Variants in IFFO1 observed in about 807,000 individuals in gnomAD.
IFFO1 encodes intermediate filament family orphan 1, also known as non-homologous end joining factor IFFO1.
A neutral mutation model predicts 59.6 loss-of-function variants in IFFO1; 42 were observed. That is an observed-to-expected ratio of 0.70 (90% CI 0.55 to 0.91). The LOEUF (loss-of-function observed/expected upper bound fraction) is 0.91. Among genes scored for constraint, IFFO1 ranks in the 40% least tolerant of loss-of-function variants. The pLI, the probability that IFFO1 is intolerant of heterozygous loss-of-function variation, is 0.00. For synonymous variants in IFFO1, 336 were observed against 342.8 expected, an observed-to-expected ratio of 0.98 and a Z score of 0.22; for missense variants, 711 against 793.2, an observed-to-expected ratio of 0.90 and a Z score of 1.24.
At chr12:6,552,848 C>T (rs1947288571) in intron 1 of IFFO1, among the ~76,000 whole-genome samples, 1 of 152,238 alleles carries the variant, frequency 6.6e-6, no homozygotes, top group Non-Finnish European at 1.5e-5. Context: ...TCATTTTCAC[C>T]TCCATTTCCA....
intron 1 of IFFO1, chr12:6,551,551 G>A: frequency 8.9e-7 from 1 of 1,126,874 alleles, no homozygotes; most frequent in Non-Finnish European, 1.2e-6. Flanking sequence ...AGCCTGGTAG[G>A]AGACACTCAA....
At chr12:6,551,379 A>G in intron 1 of IFFO1, 1 of 1,295,050 alleles carries the variant, frequency 7.7e-7, no homozygotes, top group Non-Finnish European at 1.0e-6. Context: ...CACCAGGTCC[A>G]CCCGGCCCAG....
rs756122164 is a variant in IFFO1, at chr12:6,541,559, G to A, written c.1563C>T (p.Asp521=). ...GCCGGCGGCAGGTCTCCATCTGCAC[G>A]TCCAGGCCGCGCTTCATGCTGCACA... is the stretch of plus-strand genomic sequence containing the variant. ...MEMCSMKRGL[D]VQMETCRRLI... Residue 521 remains aspartate, a synonymous_variant, in exon 9 of 10, where the codon GAC becomes GAT. Transcript: ENST00000619571. The surrounding 1 kb of genome is among the most constrained non-coding windows in gnomAD (Gnocchi z 4.8). 11 of 1,614,150 alleles carry A rather than the reference G, an allele frequency of 6.8e-6. No individual in the cohort carries two copies. The highest frequency in any genetic ancestry group is 8.5e-6 in the Non-Finnish European group (10 of 1,180,028).
chr12:6,548,623 G>A lies in IFFO1; in HGVS notation c.1262+45C>T. 1.2e-6 allele frequency: 2 copies of A among 1,613,754 alleles called. No individual in the cohort carries two copies. Among genetic ancestry groups the A allele is most frequent in the Non-Finnish European group, 1.7e-6 (2 of 1,179,770 alleles). On this transcript the variant is annotated intron_variant, in intron 6 of 9. Transcript: ENST00000619571. This position sits in a 1 kb window ranked among gnomAD's most constrained non-coding sequence, Gnocchi z 6.1. ...GGACTGGGGAGCTCCGGCCTCCTGGGCTGCTGTGGCGTCGGTGCTGCGGGA... is the reference window on the plus strand; with the variant it reads ...GGACTGGGGAGCTCCGGCCTCCTGGACTGCTGTGGCGTCGGTGCTGCGGGA...
In IFFO1 at chr12:6,544,313, CCCA is replaced by C. The variant is rs1272791490; in HGVS notation, c.1480-2674_1480-2672del. Among the ~76,000 whole-genome samples, 9 of 152,048 alleles carry C rather than the reference CCCA, an allele frequency of 5.9e-5. No homozygotes were observed. The East Asian group carries it at 1.8e-3, about 30-fold the overall frequency. On this transcript the variant is annotated intron_variant, in intron 8 of 9. Transcript: ENST00000619571. ...TCCCAAGTAGCTGGGATTACAGGTG[CCCA>C]CCACAATGCCTGGCTACTTTTTGTA...
chr12:6,548,104 G>A lies in IFFO1; in HGVS notation c.1440C>T (p.Thr480=). The A allele has an allele frequency of 1.9e-6, 3 of 1,614,034 alleles. No individual in the cohort carries two copies. Among genetic ancestry groups the A allele is most frequent in the Non-Finnish European group, 1.7e-6 (2 of 1,179,940 alleles). Residue 480 remains threonine, a synonymous_variant, in exon 8 of 10, where the codon ACC becomes ACT. Transcript: ENST00000619571. The surrounding 1 kb of genome is among the most constrained non-coding windows in gnomAD (Gnocchi z 6.1). ...TGGTCTCCTGATACTCCTTCTCCCG[G>A]GTTTTGAACAGGGACTCCGTATCTT... ...VIKDTESLFK[T]REKEYQETID...
chr12:6,547,768 G>GAAGGAAGGA (rs981366152), intron 8 of IFFO1, among the ~76,000 whole-genome samples: 3 of 151,198 alleles, frequency 2.0e-5, no homozygotes, highest in Non-Finnish European at 4.4e-5. Context: ...AGGAAGGAAG[G>GAAGGAAGGA]AAGGAAGGAA....
intron 1 of IFFO1, among the ~76,000 whole-genome samples, chr12:6,553,388 G>C (rs1346756116): frequency 6.6e-6 from 1 of 152,146 alleles, no homozygotes; most frequent in African/African-American, 2.4e-5. Context: ...ATGTATTCCA[G>C]AACTGTGCCT....
At chr12:6,546,584 C>T (rs1030528733) in intron 8 of IFFO1, among the ~76,000 whole-genome samples, 3 of 152,230 alleles carry the variant, frequency 2.0e-5, no homozygotes, top group African/African-American at 7.2e-5. Flanking sequence ...CCCGGGTTCA[C>T]GCCATTCTCC....
intron 3 of IFFO1, chr12:6,550,409 C>T (rs2136132271): frequency 3.9e-6 from 2 of 517,550 alleles, no homozygotes; most frequent in Middle Eastern, 5.2e-4. Context: ...GAGGAATCGG[C>T]CCAGCGCCCC....
At chr12:6,554,779 T>C (rs1239894041) in intron 1 of IFFO1, among the ~76,000 whole-genome samples, 4 of 152,250 alleles carry the variant, frequency 2.6e-5, no homozygotes, top group Admixed American at 1.3e-4. Context: ...TCCATCAATA[T>C]TCTTTGGGAA....
chr12:6,555,647 G>T lies in IFFO1; in HGVS notation c.383C>A (p.Thr128Asn). ...GLGRRDQAVQ[T>N]GFVSPIRPLG... Reference sequence around the variant, plus strand: ...GGGCCGGATGGGGCTGACGAAGCCGGTCTGCACTGCCTGGTCGCGACGACC... The same window carrying T: ...GGGCCGGATGGGGCTGACGAAGCCGTTCTGCACTGCCTGGTCGCGACGACC... The change falls in exon 1 of 10, where the codon ACC becomes AAC. Residue 128 changes from threonine (T) to asparagine (N), a missense_variant. Coordinates refer to ENST00000619571, the MANE Select transcript of IFFO1 (RefSeq NM_001193457.2). The surrounding 1 kb of genome is among the most constrained non-coding windows in gnomAD (Gnocchi z 8.6). The T allele has an allele frequency of 6.3e-7, 1 of 1,587,614 alleles. No individual in the cohort carries two copies. Among genetic ancestry groups the T allele is most frequent in the East Asian group, 2.3e-5 (1 of 42,752 alleles).
rs1592194821 is a variant in IFFO1 at position 6,540,188 on chromosome 12, T to A, written c.*295A>T. On this transcript the variant is annotated 3_prime_UTR_variant, in exon 10 of 10. Transcript: ENST00000619571. ...ACGTGGACAAGGTGAGGGGCCGCAA[T>A]CGCTCTGGCAGCATTTTAAAGATGG... is the stretch of plus-strand genomic sequence containing the variant. The A allele has an allele frequency of 6.0e-6, 3 of 501,620 alleles. No individual in the cohort carries two copies. The East Asian group carries it at 1.1e-4, about 19-fold the overall frequency. 31.1% of individuals were successfully genotyped at this position (501,620 alleles called of 1,614,324 possible).
intron 8 of IFFO1, 118 bp downstream of exon 8, chr12:6,547,947 T>C (rs987526005): frequency 9.6e-5 from 74 of 770,104 alleles, no homozygotes; most frequent in Non-Finnish European, 1.6e-4. Context: ...GAGAGATCAC[T>C]CCTCCTCCCA....
chr12:6,555,548 C>G lies in IFFO1; in HGVS notation c.482G>C (p.Arg161Pro), dbSNP rs1284341379. 2 of 1,527,946 alleles carry G rather than the reference C, an allele frequency of 1.3e-6. No homozygotes were observed. Among genetic ancestry groups the G allele is most frequent in the Non-Finnish European group, 1.8e-6 (2 of 1,139,564 alleles). The allele number at this position is 1,527,946 out of a possible 1,614,324, so 94.6% of individuals were successfully genotyped here. ...PSARVLGSPA[R>P]SPAGPLAPSA... ...GGGCGCGAGGGGGCCGGCCGGGGAG[C>G]GCGCGGGCGAGCCCAGCACGCGCGC... Residue 161 changes from arginine to proline, a missense_variant, in exon 1 of 10, where the codon CGC (arginine) becomes CCC (proline). Around this residue, in one of 3 missense-constraint regions of IFFO1, gnomAD observed 579 missense variants for 650.3 expected, o/e 0.89. Coordinates refer to ENST00000619571, the MANE Select transcript of IFFO1 (RefSeq NM_001193457.2). The surrounding 1 kb of genome is among the most constrained non-coding windows in gnomAD (Gnocchi z 8.6).
At chr12:6,544,880 C>A (rs1414549295) in intron 8 of IFFO1, 1 of 152,220 alleles carries the variant, frequency 6.6e-6, no homozygotes, top group Non-Finnish European at 1.5e-5. Context: ...AAAATAATTT[C>A]TCGACTTCCT....
Position 6,540,212 on chromosome 12 carries a change from G to A in IFFO1, c.*271C>T, listed in dbSNP as rs547623823. On this transcript the variant is annotated 3_prime_UTR_variant, in exon 10 of 10. Coordinates refer to ENST00000619571, the MANE Select transcript of IFFO1 (RefSeq NM_001193457.2). ...ATCGCTCTGGCAGCATTTTAAAGAT[G>A]GGGAAGTAGCAGACACCCACGCGTG... 1.3e-5 allele frequency: 7 copies of A among 542,218 alleles called. No homozygotes were observed. In the East Asian group the frequency reaches 1.3e-4, roughly 10 times the overall value. The allele number at this position is 542,218 out of a possible 1,614,324, so 33.6% of individuals were successfully genotyped here. A position where few individuals can be genotyped will look rare whatever the true frequency, so the allele number is the denominator to read the frequency against.
In IFFO1 at chr12:6,541,551, A is replaced by G. The variant is rs1458563522; in HGVS notation, c.1571T>C (p.Met524Thr). Residue 524 changes from methionine to threonine, a missense_variant, in exon 9 of 10, where the codon ATG becomes ACG. By Grantham distance (81) the Met-to-Thr change is moderately conservative (BLOSUM62 -1). This residue lies in a region of IFFO1 where 579 missense variants were observed against 650.3 expected (regional missense o/e 0.89). Coordinates refer to ENST00000619571, the MANE Select transcript of IFFO1 (RefSeq NM_001193457.2). This position sits in a 1 kb window ranked among gnomAD's most constrained non-coding sequence, Gnocchi z 4.8. The part of the protein sequence containing the change: ...CSMKRGLDVQ[M>T]ETCRRLITQS... The stretch of plus-strand genomic sequence containing the variant: ...GGTGATGAGCCGGCGGCAGGTCTCC[A>G]TCTGCACGTCCAGGCCGCGCTTCAT... 1 of 1,614,014 alleles carries G rather than the reference A, an allele frequency of 6.2e-7. No individual in the cohort carries two copies. Among genetic ancestry groups the G allele is most frequent in the Non-Finnish European group, 8.5e-7 (1 of 1,180,028 alleles).
At chr12:6,545,172 G>A (rs915435429) in intron 8 of IFFO1, among the ~76,000 whole-genome samples, 3 of 151,796 alleles carry the variant, frequency 2.0e-5, no homozygotes, top group Admixed American at 6.6e-5. Context: ...CTGAGATCGC[G>A]CCACTGCACT....
Sources: gnomAD v4.1 joint callset for allele counts (sites outside exome capture counted in the v4.1 genomes callset) on GRCh38, gnomAD v4.1.1 for gene constraint, gnomAD v4.1.1 regional missense constraint, Gnocchi (gnomAD v3.1) non-coding constraint, MANE v1.5 for transcripts, NCBI Gene and HGNC (gene_info 2026-07-23, HGNC 2026-07-21) for gene names.